Variants in PKD1L1 observed in about 807,000 individuals in gnomAD.
PKD1L1 encodes polycystin-1-like protein 1.
PKD1L1 carries 236 observed loss-of-function variants against 323.4 expected under a neutral mutation model. The ratio of observed to expected loss-of-function variants is 0.73; its 90% CI spans 0.66 to 0.81. The LOEUF is 0.81. Among genes scored for constraint, PKD1L1 ranks in the 40% least tolerant of loss-of-function variants. PKD1L1 has a pLI of 0.00. For synonymous variants in PKD1L1, 1,344 were observed against 1,335.0 expected (o/e 1.01, Z -0.15); for missense variants, 3,320 against 3,508.0 (o/e 0.95, Z 1.35).
chr7:47,946,496 CACAA>C lies in PKD1L1; in HGVS notation c.44+1897_44+1900del, dbSNP rs1433836671. On this transcript the variant is annotated intron_variant, in intron 1 of 56. Coordinates refer to ENST00000289672, the MANE Select transcript of PKD1L1 (RefSeq NM_138295.5). The surrounding 1 kb of genome is among the most constrained non-coding windows in gnomAD (Gnocchi z 4.1). ...CGCACACACCACACACCACGCACCA[CACAA>C]ACACACCATACACACAAACACCACA... 9.0e-6 allele frequency among the ~76,000 whole-genome samples: 1 copy of C among 111,580 alleles called. No individual in the cohort carries two copies. The highest frequency in any genetic ancestry group is 2.9e-5 in the African/African-American group (1 of 34,580). The allele number at this position is 111,580 out of a possible 152,430, so 73.2% of individuals were successfully genotyped here.
At chr7:47,894,334 C>T (rs917010459) in intron 14 of PKD1L1, among the ~76,000 whole-genome samples, 2 of 152,146 alleles carry the variant, frequency 1.3e-5, no homozygotes, top group African/African-American at 4.8e-5. Context: ...TAGAGACTTT[C>T]CATGTGTGCA....
intron 8 of PKD1L1, among the ~76,000 whole-genome samples, chr7:47,910,156 T>G (rs1226606701): frequency 6.6e-6 from 1 of 152,212 alleles, no homozygotes; most frequent in Non-Finnish European, 1.5e-5. Context: ...GGTCATCCCA[T>G]GCACAGGAAC....
chr7:47,943,397 G>C lies in PKD1L1; in HGVS notation c.159C>G (p.Val53=). ...ATGCCTCCTTCCCCAAGGCCTTACC[G>C]ACCCACAATCCACCTCCAGGAGGGC... is the stretch of plus-strand genomic sequence containing the variant. ...SCSPPGGGLW[V]EVYANHVLLM... The change falls in exon 2 of 57, where the codon GTC becomes GTG. Residue 53 remains valine (V), a splice_region_variant and synonymous_variant. Coordinates refer to ENST00000289672, the MANE Select transcript of PKD1L1 (RefSeq NM_138295.5). 1 of 1,611,744 alleles carries C rather than the reference G, an allele frequency of 6.2e-7. No homozygotes were observed. The highest frequency in any genetic ancestry group is 1.1e-5 in the South Asian group (1 of 90,894).
chr7:47,906,006 T>G, intron 9 of PKD1L1, 44 bp from the exon 10 acceptor site: 1 of 1,516,266 alleles, frequency 6.6e-7, no homozygotes, highest in Non-Finnish European at 8.9e-7. Context: ...GTCTTAAAAT[T>G]AATTCACTTT....
At chr7:47,843,953 T>C (rs113122663) in intron 33 of PKD1L1, among the ~76,000 whole-genome samples, 9 of 152,170 alleles carry the variant, frequency 5.9e-5, no homozygotes, top group Non-Finnish European at 8.8e-5. Flanking sequence ...CCCACCAAGA[T>C]AGAGCCTGTT....
intron 37 of PKD1L1, 82 bp downstream of exon 37, chr7:47,836,839 G>A (rs951604199): frequency 1.4e-6 from 2 of 1,458,704 alleles, no homozygotes; most frequent in Non-Finnish European, 9.3e-7. Flanking sequence ...AGAACTGTGA[G>A]CTTTGTTGAT....
Position 47,885,923 on chromosome 7 carries a change from G to A in PKD1L1, c.2968C>T (p.Arg990Trp), listed in dbSNP as rs147051154. The part of the protein sequence containing the change: ...DPDATTTPFS[R>W]EPSPVTLGQP... ...CCAAGGGTCACGGGTGAAGGTTCCC[G>A]TGAGAATGGTGTGGTCGTTGCATCA... The change falls in exon 18 of 57, where the codon CGG becomes TGG. Residue 990 changes from arginine to tryptophan, a missense_variant. Physicochemically the swap from Arg to Trp is moderately radical, Grantham distance 101 (BLOSUM62 -3). Coordinates refer to ENST00000289672, the MANE Select transcript of PKD1L1 (RefSeq NM_138295.5). 4.8e-5 allele frequency: 78 copies of A among 1,614,052 alleles called. No individual in the cohort carries two copies. In the East Asian group the frequency reaches 8.0e-4, roughly 17 times the overall value.
At chr7:47,825,462 CG>C (rs1785223570) in intron 45 of PKD1L1, among the ~76,000 whole-genome samples, 1 of 149,244 alleles carries the variant, frequency 6.7e-6, no homozygotes, top group Non-Finnish European at 1.5e-5. Flanking sequence ...ACCTGAGAGG[CG>C]GGGGTTGCAG....
At position 47,946,178 on chromosome 7, in the gene PKD1L1, T is replaced by C. The variant is rs1281779794; in HGVS notation, c.44+2219A>G. Among the ~76,000 whole-genome samples, 1 of 152,124 alleles carries C rather than the reference T, an allele frequency of 6.6e-6. No homozygotes were observed. The highest frequency in any genetic ancestry group is 1.5e-5 in the Non-Finnish European group (1 of 68,032). ...CTGTGACTGTCGGGGAACAGGATGA[T>C]ACTGATGGCTCAAACACAGTCTCTG... On this transcript the variant is annotated intron_variant, in intron 1 of 56. Transcript: ENST00000289672. The surrounding 1 kb of genome is among the most constrained non-coding windows in gnomAD (Gnocchi z 4.1).
At chr7:47,835,063 G>A (rs372259298) in intron 38 of PKD1L1, 24 bp from the exon 39 acceptor site, 11 of 1,612,346 alleles carry the variant, frequency 6.8e-6, no homozygotes, top group South Asian at 3.3e-5. Context: ...GAGGTGGTTC[G>A]CCAAGCGTGT....
intron 56 of PKD1L1, among the ~76,000 whole-genome samples, chr7:47,777,384 G>C (rs1431423795): frequency 1.3e-5 from 2 of 152,188 alleles, no homozygotes; most frequent in Admixed American, 1.3e-4. Context: ...CTTTGGATGT[G>C]ATCCCTGGAC....
At chr7:47,781,600 G>A (rs532989685) in intron 56 of PKD1L1, among the ~76,000 whole-genome samples, 7 of 151,742 alleles carry the variant, frequency 4.6e-5, no homozygotes, top group Admixed American at 2.0e-4. Flanking sequence ...TAGTAGAGAC[G>A]GGGTTTCACT....
intron 49 of PKD1L1, among the ~76,000 whole-genome samples, chr7:47,812,807 A>G (rs111658323): frequency 2.0e-4 from 31 of 152,380 alleles, no homozygotes; most frequent in African/African-American, 7.5e-4. Context: ...TAAATGAGAC[A>G]GTAAACACCC....
chr7:47,931,872 ATAT>A, intron 5 of PKD1L1, 61 bp downstream of exon 5: 1 of 1,557,612 alleles, frequency 6.4e-7, no homozygotes, highest in Non-Finnish European at 8.7e-7. Flanking sequence ...AGTCTCCCCC[ATAT>A]GCATCAGATG....
chr7:47,930,494 G>C (rs1787746220), intron 6 of PKD1L1, among the ~76,000 whole-genome samples: 1 of 151,520 alleles, frequency 6.6e-6, no homozygotes, highest in African/African-American at 2.4e-5. Flanking sequence ...GACAGAGCAA[G>C]ACTCCCTCTC....
intron 13 of PKD1L1, among the ~76,000 whole-genome samples, chr7:47,901,327 C>CAAAAAAAAAAAAAAA (rs71699736): frequency 4.8e-5 from 3 of 62,604 alleles, no homozygotes; most frequent in African/African-American, 9.9e-5. Flanking sequence ...AACAGAGTCT[C>CAAAAAAAAAAAAAAA]AAAAAAAAAA....
chr7:47,776,754 A>C (rs997388459), intron 56 of PKD1L1, among the ~76,000 whole-genome samples: 7 of 152,246 alleles, frequency 4.6e-5, no homozygotes, highest in Admixed American at 4.6e-4. Context: ...ATGACCACGC[A>C]ATAAATAGCA....
chr7:47,940,964 G>C (rs1382733412), intron 2 of PKD1L1, among the ~76,000 whole-genome samples: 1 of 152,248 alleles, frequency 6.6e-6, no homozygotes, highest in Non-Finnish European at 1.5e-5. Context: ...ACAGGTCCTT[G>C]AGTGTTTGTG....
chr7:47,937,017 T>G (rs2128757290), intron 3 of PKD1L1, 59 bp from the exon 4 acceptor site: 12 of 1,337,318 alleles, frequency 9.0e-6, no homozygotes, highest in Middle Eastern at 3.9e-4. Context: ...CCAGTACATT[T>G]GGGAAAGTAA....
Sources: gnomAD v4.1 joint callset for allele counts (sites outside exome capture counted in the v4.1 genomes callset) on GRCh38, gnomAD v4.1.1 for gene constraint, Gnocchi (gnomAD v3.1) non-coding constraint, MANE v1.5 for transcripts, NCBI Gene and HGNC (gene_info 2026-07-23, HGNC 2026-07-21) for gene names.